Variants in MMGT1 observed in about 807,000 individuals in gnomAD.
The protein encoded by MMGT1 is ER membrane protein complex subunit 5.
In MMGT1, 2 loss-of-function variants were observed where a neutral mutation model predicts 11.7. The ratio of observed to expected loss-of-function variants is 0.17; its 90% CI spans 0.07 to 0.54. The LOEUF (loss-of-function observed/expected upper bound fraction) is 0.54, where lower values mean the gene tolerates loss of function less well. Among genes scored for constraint, MMGT1 ranks in the 20% least tolerant of loss-of-function variants. The pLI, the probability that MMGT1 is intolerant of heterozygous loss-of-function variation, is 0.94. For missense variants in MMGT1, 74 were observed against 109.0 expected (o/e 0.68, Z 1.43); for synonymous variants, 49 against 44.4 (o/e 1.10, Z -0.41).
At chrX:135,969,011 TTGAG>T (rs782110618) in intron 2 of MMGT1, among the ~76,000 whole-genome samples, 96 of 111,809 alleles carry the variant, frequency 8.6e-4, no homozygotes, top group Non-Finnish European at 1.5e-3. Context: ...TTCAATTTGA[TTGAG>T]TAATATCAAC....
In MMGT1 at chrX:135,962,529, A is replaced by G. The variant is rs2089161656; in HGVS notation, c.*2495T>C. On this transcript the variant is annotated 3_prime_UTR_variant, in exon 4 of 4. Transcript: ENST00000305963. Reference sequence around the variant, plus strand: ...CTGTAGATAAAATTCTGTACTTAGCATATTTAGCAGTGTTACAACGCATCC... The same window carrying G: ...CTGTAGATAAAATTCTGTACTTAGCGTATTTAGCAGTGTTACAACGCATCC... The G allele has an allele frequency of 8.9e-6, 1 of 112,276 alleles. No homozygotes were observed. Among genetic ancestry groups the G allele is most frequent in the South Asian group, 3.7e-4 (1 of 2,730 alleles). 9.3% of individuals were successfully genotyped at this position (112,276 alleles called of 1,213,427 possible). A position where few individuals can be genotyped will look rare whatever the true frequency, so the allele number is the denominator to read the frequency against.
chrX:135,962,683 C>A lies in MMGT1; in HGVS notation c.*2341G>T, dbSNP rs1181484041. The A allele has an allele frequency of 8.9e-6, 1 of 112,124 alleles. No homozygotes were observed. Among genetic ancestry groups the A allele is most frequent in the African/African-American group, 3.2e-5 (1 of 30,884 alleles). The allele number at this position is 112,124 out of a possible 1,213,427, so 9.2% of individuals were successfully genotyped here. ...CAAGCTGCTAGCAAAGATAGACACACGTGAAAACCACTTTGTCAATTATTT... is the reference window on the plus strand; with the variant it reads ...CAAGCTGCTAGCAAAGATAGACACAAGTGAAAACCACTTTGTCAATTATTT... On this transcript the variant is annotated 3_prime_UTR_variant, in exon 4 of 4. Transcript: ENST00000305963.
At chrX:135,965,504 C>A (rs911092378) in intron 3 of MMGT1, among the ~76,000 whole-genome samples, 1 of 111,511 alleles carries the variant, frequency 9.0e-6, no homozygotes, top group Non-Finnish European at 1.9e-5. Flanking sequence ...TGGACTCAAG[C>A]GACCCTCTCA....
At position 135,963,043 on chromosome X, in the gene MMGT1, T is replaced by G. The variant is rs1556611591; in HGVS notation, c.*1981A>C. 2.7e-5 allele frequency: 3 copies of G among 111,234 alleles called. No individual in the cohort carries two copies. Among genetic ancestry groups the G allele is most frequent in the Admixed American group, 1.9e-4 (2 of 10,375 alleles). The allele number at this position is 111,234 out of a possible 1,213,427, so 9.2% of individuals were successfully genotyped here. On this transcript the variant is annotated 3_prime_UTR_variant, in exon 4 of 4. Transcript: ENST00000305963. ...GAAGCCAGTCCCAAAAGACCGAATA[T>G]TGTAGAATTCCATTTATATGAAATG... is the stretch of plus-strand genomic sequence containing the variant.
intron 1 of MMGT1, among the ~76,000 whole-genome samples, chrX:135,972,199 G>A (rs2089223754): frequency 8.9e-6 from 1 of 111,917 alleles, no homozygotes; most frequent in South Asian, 3.7e-4. Flanking sequence ...ATATAAAGAG[G>A]TCTCACTGCA....
Position 135,973,705 on chromosome X carries a change from G to A in MMGT1, c.-30C>T. ...CCGAAGGAGCAGCAGCCCAGCAAAA[G>A]AAGCGAAGGACGGCGGAGCTGTTTC... On this transcript the variant is annotated 5_prime_UTR_variant, in exon 1 of 4. Transcript: ENST00000305963. 2 of 1,167,226 alleles carry A rather than the reference G, an allele frequency of 1.7e-6. No homozygotes were observed. The highest frequency in any genetic ancestry group is 1.1e-6 in the Non-Finnish European group (1 of 873,026).
chrX:135,973,334 G>A (rs1481761775), intron 1 of MMGT1, among the ~76,000 whole-genome samples: 2 of 111,615 alleles, frequency 1.8e-5, no homozygotes, highest in African/African-American at 6.5e-5. Flanking sequence ...CACTTGTCCT[G>A]GATTCCTGGA....
chrX:135,971,200 C>CT, intron 1 of MMGT1, 90 bp from the exon 2 acceptor site: 1 of 615,206 alleles, frequency 1.6e-6, no homozygotes, highest in East Asian at 3.4e-5. Context: ...AAGTGGCTGA[C>CT]TTATGTGCAG....
Position 135,969,144 on chromosome X carries a change from A to ATGTATGTGTGTG in MMGT1, c.133-1652_133-1651insCACACACATACA, listed in dbSNP as rs1556612331. 3.1e-4 allele frequency among the ~76,000 whole-genome samples: 31 copies of ATGTATGTGTGTG among 100,944 alleles called. 1 individual carries two copies. The South Asian group carries it at 0.014, about 46-fold the overall frequency. The allele number at this position is 100,944 out of a possible 115,157, so 87.7% of individuals were successfully genotyped here. A position where few individuals can be genotyped will look rare whatever the true frequency, so the allele number is the denominator to read the frequency against. On this transcript the variant is annotated intron_variant, in intron 2 of 3. Transcript: ENST00000305963. ...CTTTAAAATAGACATAAATATGTGT[A>ATGTATGTGTGTG]TGTGTGTGTGTGTGTGTGTGTGTGT...
At position 135,961,149 on chromosome X, in the gene MMGT1, TC is replaced by T. The variant is rs2089152393; in HGVS notation, c.*3874del. 8.9e-6 allele frequency among the ~76,000 whole-genome samples: 1 copy of T among 111,815 alleles called. No individual in the cohort carries two copies. Among genetic ancestry groups the T allele is most frequent in the Admixed American group, 9.5e-5 (1 of 10,515 alleles). On this transcript the variant is annotated 3_prime_UTR_variant, in exon 4 of 4. Transcript: ENST00000305963. The stretch of plus-strand genomic sequence containing the variant: ...AAACTCATTATATGTACAAGTATAT[TC>T]ACCACAATGTGATTTAATATTGGAA...
In MMGT1 at chrX:135,962,194, T is replaced by G. The variant is rs1272146397; in HGVS notation, c.*2830A>C. ...TTGATGCTCACAACAAACAACATTATTCAATACATCATGTAAACAGGCCAC... is the reference window on the plus strand; with the variant it reads ...TTGATGCTCACAACAAACAACATTAGTCAATACATCATGTAAACAGGCCAC... On this transcript the variant is annotated 3_prime_UTR_variant, in exon 4 of 4. Transcript: ENST00000305963. 1 of 111,780 alleles carries G rather than the reference T, an allele frequency of 8.9e-6. No homozygotes were observed. Among genetic ancestry groups the G allele is most frequent in the Admixed American group, 9.5e-5 (1 of 10,525 alleles). 9.2% of individuals were successfully genotyped at this position (111,780 alleles called of 1,213,427 possible).
At chrX:135,972,803 A>C (rs782083727) in intron 1 of MMGT1, among the ~76,000 whole-genome samples, 1 of 111,940 alleles carries the variant, frequency 8.9e-6, no homozygotes, top group East Asian at 2.8e-4. Flanking sequence ...GGTGCTCATG[A>C]TGCTGGTCTG....
rs1556612884 is a variant in MMGT1 at position 135,973,741 on chromosome X, G to T, written c.-66C>A. 5.1e-6 allele frequency: 6 copies of T among 1,166,531 alleles called. No homozygotes were observed. The highest frequency in any genetic ancestry group is 4.6e-4 in the Middle Eastern group (2 of 4,305). ...CGGCGGAGCTGTTTCTTCTTCCACCGGCGGGTGTCCGCGCGCCGCAGAAAG... is the reference window on the plus strand; with the variant it reads ...CGGCGGAGCTGTTTCTTCTTCCACCTGCGGGTGTCCGCGCGCCGCAGAAAG... On this transcript the variant is annotated 5_prime_UTR_variant, in exon 1 of 4. Transcript: ENST00000305963.
intron 1 of MMGT1, among the ~76,000 whole-genome samples, chrX:135,972,571 T>C (rs782622024): frequency 9.0e-6 from 1 of 111,592 alleles, no homozygotes; most frequent in Non-Finnish European, 1.9e-5. Context: ...AATGAAGGGG[T>C]TGGACTTCAG....
At position 135,973,901 on chromosome X, in the gene MMGT1, T is replaced by C; in HGVS notation, c.-226A>G. 3.5e-6 allele frequency: 4 copies of C among 1,147,869 alleles called. No individual in the cohort carries two copies. The highest frequency in any genetic ancestry group is 4.6e-6 in the Non-Finnish European group (4 of 864,075). The allele number at this position is 1,147,869 out of a possible 1,213,427, so 94.6% of individuals were successfully genotyped here. A position where few individuals can be genotyped will look rare whatever the true frequency, so the allele number is the denominator to read the frequency against. ...AAAGGTCCGCGAGAACCCACGAACCTGCGCTATGGAGGCCTCTCTAGGAGG... is the reference window on the plus strand; with the variant it reads ...AAAGGTCCGCGAGAACCCACGAACCCGCGCTATGGAGGCCTCTCTAGGAGG... On this transcript the variant is annotated 5_prime_UTR_variant, in exon 1 of 4. Transcript: ENST00000305963.
chrX:135,969,294 C>T (rs781912360), intron 2 of MMGT1, among the ~76,000 whole-genome samples: 297 of 111,185 alleles, frequency 2.7e-3, no homozygotes, highest in Non-Finnish European at 4.9e-3. Context: ...ACATCATATA[C>T]GATACCAATT....
At position 135,965,103 on chromosome X, in the gene MMGT1, G is replaced by A; in HGVS notation, c.317C>T (p.Thr106Ile). 1 of 1,206,747 alleles carries A rather than the reference G, an allele frequency of 8.3e-7. No homozygotes were observed. The highest frequency in any genetic ancestry group is 1.1e-6 in the Non-Finnish European group (1 of 891,209). ...RGRVLFRPSD[T>I]ANSSNQDALS... is the part of the protein sequence containing the mutation. Reference sequence around the variant, plus strand: ...TGCATCTTGGTTTGAAGAATTTGCTGTATCCGAAGGCCGGAAAAGTACTCG... The same window carrying A: ...TGCATCTTGGTTTGAAGAATTTGCTATATCCGAAGGCCGGAAAAGTACTCG... Residue 106 changes from threonine (T) to isoleucine (I), a missense_variant, in exon 4 of 4, where the codon ACA becomes ATA. Thr to Ile is a moderately conservative substitution (Grantham distance 89). Coordinates refer to ENST00000305963, the MANE Select transcript of MMGT1 (RefSeq NM_173470.3).
In MMGT1 at chrX:135,960,607, A is replaced by G. The variant is rs2089149457; in HGVS notation, c.*4417T>C. Among the ~76,000 whole-genome samples the G allele has an allele frequency of 8.9e-6, 1 of 111,921 alleles. No homozygotes were observed. The highest frequency in any genetic ancestry group is 3.2e-5 in the African/African-American group (1 of 30,854). On this transcript the variant is annotated 3_prime_UTR_variant, in exon 4 of 4. Transcript: ENST00000305963. The stretch of plus-strand genomic sequence containing the variant: ...TTAAAATACTGGAAAAATACATTAA[A>G]TTTATTCTTAAATGCAAAGGTGGCC...
rs1410411051 is a variant in MMGT1, at chrX:135,961,304, T to C, written c.*3720A>G. 9.4e-6 allele frequency among the ~76,000 whole-genome samples: 1 copy of C among 106,426 alleles called. No homozygotes were observed. The highest frequency in any genetic ancestry group is 2.0e-5 in the Non-Finnish European group (1 of 50,195). 92.4% of individuals were successfully genotyped at this position (106,426 alleles called of 115,157 possible). A position where few individuals can be genotyped will look rare whatever the true frequency, so the allele number is the denominator to read the frequency against. ...ACAGAAAGATCTCATAAAACACAGG[T>C]AGCAAAAAAAGCAAGGTACAGAAGA... On this transcript the variant is annotated 3_prime_UTR_variant, in exon 4 of 4. Coordinates refer to ENST00000305963, the MANE Select transcript of MMGT1 (RefSeq NM_173470.3).
Sources: allele counts gnomAD v4.1 joint callset (sites outside exome capture counted in the v4.1 genomes callset), GRCh38; gene constraint gnomAD v4.1.1; transcripts MANE v1.5; gene names NCBI Gene and HGNC (gene_info 2026-07-23, HGNC 2026-07-21).